Variants in CTNNA3 observed in about 807,000 individuals in gnomAD.
The protein encoded by CTNNA3 is catenin alpha 3, also known as catenin alpha-3.
In CTNNA3, 76 loss-of-function variants were observed where a neutral mutation model predicts 95.7. The observed-to-expected ratio is 0.79, with a 90% CI of 0.66 to 0.96. The LOEUF is 0.96. CTNNA3 is among the 40% of genes least tolerant of loss of function. The pLI, the probability that CTNNA3 is intolerant of heterozygous loss-of-function variation, is 0.00. For synonymous variants in CTNNA3, 431 were observed against 374.4 expected (o/e 1.15, Z -1.74); for missense variants, 1,191 against 1,089.8 (o/e 1.09, Z -1.31).
chr10:67,006,015 T>A lies in CTNNA3; in HGVS notation c.1047+174302A>T, dbSNP rs559126277. Among the ~76,000 whole-genome samples the A allele has an allele frequency of 1.1e-4, 16 of 152,178 alleles. No individual in the cohort carries two copies. In the East Asian group the frequency reaches 2.9e-3, roughly 28 times the overall value. Reference sequence around the variant, plus strand: ...CCATGATTTTTTTGATTATTTATTTTGAAATTATTCAGCATCTTATCTCAT... The same window carrying A: ...CCATGATTTTTTTGATTATTTATTTAGAAATTATTCAGCATCTTATCTCAT... On this transcript the variant is annotated intron_variant, in intron 7 of 17. Coordinates refer to ENST00000433211, the MANE Select transcript of CTNNA3 (RefSeq NM_013266.4).
At chr10:67,458,458 T>A (rs573235277) in intron 5 of CTNNA3, among the ~76,000 whole-genome samples, 2 of 152,076 alleles carry the variant, frequency 1.3e-5, no homozygotes, top group African/African-American at 4.8e-5. Flanking sequence ...GCCTGTGGGA[T>A]TCTGGGGCAG....
rs992606318 is a variant in CTNNA3, at chr10:66,915,712, A to T, written c.1048-140188T>A. 6.9e-5 allele frequency among the ~76,000 whole-genome samples: 10 copies of T among 144,936 alleles called. No homozygotes were observed. The East Asian group carries it at 7.9e-4, about 11-fold the overall frequency. Reference sequence around the variant, plus strand: ...GGCATTTGACATATATATATATATAATATATATATATACACACACACACAT... The same window carrying T: ...GGCATTTGACATATATATATATATATTATATATATATACACACACACACAT... On this transcript the variant is annotated intron_variant, in intron 7 of 17. Coordinates refer to ENST00000433211, the MANE Select transcript of CTNNA3 (RefSeq NM_013266.4).
intron 13 of CTNNA3, among the ~76,000 whole-genome samples, chr10:66,219,181 T>C (rs2088758110): frequency 6.6e-6 from 1 of 152,118 alleles, no homozygotes; most frequent in African/African-American, 2.4e-5. Context: ...AATTCTAGAT[T>C]ATGAGCTGAT....
chr10:66,851,006 C>T lies in CTNNA3; in HGVS notation c.1048-75482G>A, dbSNP rs73310695. Among the ~76,000 whole-genome samples, 302 of 152,240 alleles carry T rather than the reference C, an allele frequency of 2.0e-3. 1 individual carries two copies. Among genetic ancestry groups the T allele is most frequent in the African/African-American group, 6.6e-3 (273 of 41,556 alleles). The stretch of plus-strand genomic sequence containing the variant: ...TATACCCTGTTTTCATCATCACCCT[C>T]TCTACCAAAAACTTTGCATGACATT... On this transcript the variant is annotated intron_variant, in intron 7 of 17. Transcript: ENST00000433211.
Position 66,894,366 on chromosome 10 carries a change from T to C in CTNNA3, c.1048-118842A>G, listed in dbSNP as rs187005588. The stretch of plus-strand genomic sequence containing the variant: ...ACCCTGATTTTCTGTTTCTTTAAGT[T>C]GCTTGTTCTTATGTCTTCTTATATA... On this transcript the variant is annotated intron_variant, in intron 7 of 17. Transcript: ENST00000433211. Among the ~76,000 whole-genome samples the C allele has an allele frequency of 2.5e-3, 381 of 152,180 alleles. 5 individuals are homozygous for C. The highest frequency in any genetic ancestry group is 1.4e-3 in the East Asian group (7 of 5,174).
chr10:66,458,687 C>A (rs983047595), intron 11 of CTNNA3, among the ~76,000 whole-genome samples: 2 of 152,180 alleles, frequency 1.3e-5, no homozygotes, highest in South Asian at 4.2e-4. Flanking sequence ...AATATTTGTC[C>A]TTTTGTGTCT....
intron 7 of CTNNA3, among the ~76,000 whole-genome samples, chr10:66,787,558 G>A (rs1016383218): frequency 2.0e-5 from 3 of 152,060 alleles, no homozygotes; most frequent in African/African-American, 7.2e-5. Flanking sequence ...TAGGGAGGAA[G>A]GAGTAGCAAG....
At chr10:67,550,625 T>TTTAAAGAATAAAGAAATTCTTTTA (rs200855713) in intron 3 of CTNNA3, among the ~76,000 whole-genome samples, 5 of 148,820 alleles carry the variant, frequency 3.4e-5, no homozygotes, top group Admixed American at 6.6e-5. Context: ...GAATTCTTTA[T>TTTAAAGAATAAAGAAATTCTTTTA]TTAAAGAATA....
chr10:66,535,124 A>T (rs189451343), intron 10 of CTNNA3, among the ~76,000 whole-genome samples: 1 of 152,242 alleles, frequency 6.6e-6, no homozygotes, highest in African/African-American at 2.4e-5. Context: ...GCCTACATTC[A>T]GTCAGACTCA....
At chr10:66,634,108 T>A (rs1845252944) in intron 9 of CTNNA3, among the ~76,000 whole-genome samples, 1 of 152,156 alleles carries the variant, frequency 6.6e-6, no homozygotes, top group South Asian at 2.1e-4. Context: ...ATTTCAACTT[T>A]CCTTTTCTAT....
At chr10:67,653,940 C>T (rs958047764) in intron 1 of CTNNA3, among the ~76,000 whole-genome samples, 1 of 152,168 alleles carries the variant, frequency 6.6e-6, no homozygotes, top group African/African-American at 2.4e-5. Flanking sequence ...TTCGTGGAAT[C>T]CATCCTTCCA....
At chr10:67,442,118 T>C (rs1846542247) in intron 5 of CTNNA3, among the ~76,000 whole-genome samples, 1 of 152,202 alleles carries the variant, frequency 6.6e-6, no homozygotes, top group South Asian at 2.1e-4. Context: ...CTTTTTGTTT[T>C]TTTGTTTATG....
At chr10:67,738,525 A>T in intron 1 of CTNNA3, among the ~76,000 whole-genome samples, 1 of 152,232 alleles carries the variant, frequency 6.6e-6, no homozygotes, top group Middle Eastern at 3.2e-3. Context: ...TGTAAGAATC[A>T]GAGTGCCTCT....
chr10:67,728,687 A>C (rs1293533039), intron 1 of CTNNA3, among the ~76,000 whole-genome samples: 8 of 151,948 alleles, frequency 5.3e-5, no homozygotes, highest in Non-Finnish European at 1.0e-4. Flanking sequence ...TAACATATGT[A>C]ATTAATTTTT....
intron 13 of CTNNA3, among the ~76,000 whole-genome samples, chr10:66,194,267 T>G (rs1366038581): frequency 6.6e-6 from 1 of 152,166 alleles, no homozygotes; most frequent in African/African-American, 2.4e-5. Context: ...ACATTTGCTG[T>G]GCCCAAATGG....
chr10:66,977,655 C>G (rs565631236), intron 7 of CTNNA3, among the ~76,000 whole-genome samples: 1 of 152,086 alleles, frequency 6.6e-6, no homozygotes, highest in Non-Finnish European at 1.5e-5. Flanking sequence ...TAAGCTGGGC[C>G]TTGTATGTTT....
At chr10:67,082,459 C>A (rs1271972589) in intron 7 of CTNNA3, among the ~76,000 whole-genome samples, 1 of 152,064 alleles carries the variant, frequency 6.6e-6, no homozygotes, top group Non-Finnish European at 1.5e-5. Context: ...AAACCCTAAA[C>A]CCCCAAGCAG....
At chr10:67,762,984 CG>C (rs750740294) in intron 1 of CTNNA3, among the ~76,000 whole-genome samples, 7 of 152,070 alleles carry the variant, frequency 4.6e-5, no homozygotes, top group Non-Finnish European at 8.8e-5. Context: ...TCGGGGAGCT[CG>C]GTTTTTCAGA....
chr10:67,029,185 A>C (rs533861006), intron 7 of CTNNA3, among the ~76,000 whole-genome samples: 2 of 152,288 alleles, frequency 1.3e-5, no homozygotes, highest in South Asian at 2.1e-4. Context: ...ATTACTCCAT[A>C]AGCTAAATAT....
Sources: allele counts gnomAD v4.1 joint callset (sites outside exome capture counted in the v4.1 genomes callset), GRCh38; gene constraint gnomAD v4.1.1; transcripts MANE v1.5; gene names NCBI Gene and HGNC (gene_info 2026-07-23, HGNC 2026-07-21).